The following CHST3 variants were observed in gnomAD, a reference collection of about 807,000 sequenced individuals.
CHST3 encodes the protein carbohydrate sulfotransferase 3, also known as C6ST-1.
In CHST3, 20 loss-of-function variants were observed where a neutral mutation model predicts 35.4. The ratio of observed to expected loss-of-function variants is 0.57; its 90% CI spans 0.40 to 0.82. The LOEUF is 0.82. Ranked by LOEUF, CHST3 falls within the 40% of genes least tolerant of loss-of-function variation. The pLI is 0.00. For synonymous variants in CHST3, 334 were observed against 295.9 expected (o/e 1.13, Z -1.32); for missense variants, 693 against 670.1 (o/e 1.03, Z -0.38).
chr10:71,995,222 C>G (rs898374976), intron 1 of CHST3, among the ~76,000 whole-genome samples: 2 of 151,938 alleles, frequency 1.3e-5, no homozygotes, highest in Non-Finnish European at 2.9e-5. Context: ...GTCAGGAGTT[C>G]GAGACCAGCC....
intron 1 of CHST3, among the ~76,000 whole-genome samples, chr10:71,977,323 G>C (rs540245763): frequency 2.6e-5 from 4 of 152,132 alleles, no homozygotes; most frequent in Non-Finnish European, 4.4e-5. Context: ...CTTCAACATT[G>C]TCCCCTCTTG....
At chr10:71,987,161 C>G (rs1247865532) in intron 1 of CHST3, among the ~76,000 whole-genome samples, 1 of 152,118 alleles carries the variant, frequency 6.6e-6, no homozygotes, top group Admixed American at 6.5e-5. Context: ...ACATGCGGAC[C>G]AAGCCTCCTG....
chr10:71,996,425 AC>A (rs145840295), intron 1 of CHST3, among the ~76,000 whole-genome samples: 15,919 of 135,572 alleles, frequency 0.12, 786 homozygotes, highest in Admixed American at 0.17. Context: ...CTCTCTACCA[AC>A]CCCCCCCCAA....
chr10:71,968,159 T>C (rs1163741785), intron 1 of CHST3, among the ~76,000 whole-genome samples: 1 of 152,136 alleles, frequency 6.6e-6, no homozygotes, highest in East Asian at 1.9e-4. Flanking sequence ...CTGTTAATGT[T>C]TGACTTTTTA....
intron 1 of CHST3, among the ~76,000 whole-genome samples, chr10:71,988,603 A>G (rs911651070): frequency 6.6e-6 from 1 of 152,252 alleles, no homozygotes; most frequent in Non-Finnish European, 1.5e-5. Flanking sequence ...CCAGAAGCCA[A>G]GCAGATGCCA....
At chr10:71,970,004 C>G (rs768191391) in intron 1 of CHST3, among the ~76,000 whole-genome samples, 2 of 152,224 alleles carry the variant, frequency 1.3e-5, no homozygotes, top group Non-Finnish European at 2.9e-5. Flanking sequence ...AAAGAGATGA[C>G]AGAATGCTGC....
At chr10:71,998,324 A>G (rs1839960861) in intron 1 of CHST3, among the ~76,000 whole-genome samples, 1 of 152,200 alleles carries the variant, frequency 6.6e-6, no homozygotes, top group South Asian at 2.1e-4. Context: ...GACTTGGGCC[A>G]CGTCCTTGGG....
chr10:72,000,047 G>T (rs1254702182), intron 1 of CHST3, among the ~76,000 whole-genome samples: 1 of 152,206 alleles, frequency 6.6e-6, no homozygotes, highest in Non-Finnish European at 1.5e-5. Flanking sequence ...GGTGGCCATG[G>T]TTCGCACCGT....
At chr10:72,006,442 T>C (rs1042405823) in intron 2 of CHST3, among the ~76,000 whole-genome samples, 8 of 152,188 alleles carry the variant, frequency 5.3e-5, no homozygotes, top group African/African-American at 1.9e-4. Context: ...ACATCCCCTA[T>C]AGAAGTCTTG....
chr10:71,970,227 G>GC (rs1366936406), intron 1 of CHST3, among the ~76,000 whole-genome samples: 1 of 150,862 alleles, frequency 6.6e-6, no homozygotes, highest in Non-Finnish European at 1.5e-5. Flanking sequence ...GTCTCCAGCT[G>GC]CCCTCCGTCC....
chr10:71,979,085 G>A (rs1189375051), intron 1 of CHST3, among the ~76,000 whole-genome samples: 1 of 152,174 alleles, frequency 6.6e-6, no homozygotes. Flanking sequence ...TACAGCGATA[G>A]CGCACACGTG....
intron 1 of CHST3, among the ~76,000 whole-genome samples, chr10:71,973,117 C>A (rs1384246976): frequency 3.3e-5 from 5 of 152,202 alleles, no homozygotes; most frequent in African/African-American, 1.2e-4. Flanking sequence ...TGAGGGAGCG[C>A]TTCGAGTCTG....
chr10:71,973,487 C>T lies in CHST3; in HGVS notation c.-108+8793C>T, dbSNP rs559223173. ...TTTCCCTGAGCAGAGAGAAGGAAGC[C>T]CTACTGGCCGGCTGCCTCCCCAGGG... is the stretch of plus-strand genomic sequence containing the variant. On this transcript the variant is annotated intron_variant, in intron 1 of 2. Coordinates refer to ENST00000373115, the MANE Select transcript of CHST3 (RefSeq NM_004273.5). Among the ~76,000 whole-genome samples the T allele has an allele frequency of 2.6e-5, 4 of 152,322 alleles. No homozygotes were observed. In the South Asian group the frequency reaches 6.2e-4, roughly 24 times the overall value.
intron 1 of CHST3, among the ~76,000 whole-genome samples, chr10:71,980,567 T>A (rs956538405): frequency 6.6e-6 from 1 of 152,124 alleles, no homozygotes; most frequent in African/African-American, 2.4e-5. Context: ...CAGACTCAAC[T>A]GCAGAGTGTG....
chr10:71,979,186 C>T (rs544977001), intron 1 of CHST3, among the ~76,000 whole-genome samples: 3 of 152,176 alleles, frequency 2.0e-5, no homozygotes, highest in African/African-American at 7.2e-5. Context: ...AGGAGGCCCT[C>T]CCTTCACATC....
intron 1 of CHST3, among the ~76,000 whole-genome samples, chr10:71,970,122 C>G (rs4148915): frequency 0.1 from 15,892 of 152,174 alleles, 1,239 homozygotes; most frequent in African/African-American, 0.22. Context: ...AGCCCTCTGT[C>G]TCTATTGCCC....
At chr10:71,985,033 A>G (rs1181107582) in intron 1 of CHST3, among the ~76,000 whole-genome samples, 1 of 152,244 alleles carries the variant, frequency 6.6e-6, no homozygotes, top group Non-Finnish European at 1.5e-5. Flanking sequence ...CAGAATTGCC[A>G]TAGAGCAGCC....
At chr10:72,001,763 G>A (rs559848414) in intron 1 of CHST3, among the ~76,000 whole-genome samples, 1 of 152,160 alleles carries the variant, frequency 6.6e-6, no homozygotes, top group Non-Finnish European at 1.5e-5. Flanking sequence ...GAACCATCGT[G>A]CCTGGCCGGA....
intron 1 of CHST3, among the ~76,000 whole-genome samples, chr10:71,998,009 C>T (rs1481578215): frequency 2.6e-5 from 4 of 152,074 alleles, no homozygotes; most frequent in Non-Finnish European, 5.9e-5. Flanking sequence ...CGTAGTGGCA[C>T]GTGCCTGTGC....
Sources: allele counts gnomAD v4.1 joint callset (sites outside exome capture counted in the v4.1 genomes callset), GRCh38; gene constraint gnomAD v4.1.1; transcripts MANE v1.5; gene names NCBI Gene and HGNC (gene_info 2026-07-23, HGNC 2026-07-21).